CCDC148: variants seen among roughly 807,000 people sequenced by gnomAD.
CCDC148 encodes the protein coiled-coil domain containing 148.
A neutral mutation model predicts 85.7 loss-of-function variants in CCDC148; 89 were observed. The ratio of observed to expected loss-of-function variants is 1.04; its 90% CI spans 0.87 to 1.24. CCDC148 has a LOEUF of 1.24. Ranked by LOEUF, CCDC148 falls within the 50% of genes most tolerant of loss-of-function variation. The pLI is 0.00. For missense variants in CCDC148, 692 were observed against 671.7 expected, an observed-to-expected ratio of 1.03 and a Z score of -0.33; for synonymous variants, 230 against 213.9, an observed-to-expected ratio of 1.08 and a Z score of -0.66.
In CCDC148 at chr2:158,372,030, G is replaced by C. The variant is rs544985689; in HGVS notation, c.26-13460C>G. ...CCAGTCTGGGGAACACAGTCCGGGA[G>C]AAAGAAAAGAGTTAACCACAGCAAA... is the stretch of plus-strand genomic sequence containing the variant. On this transcript the variant is annotated intron_variant, in intron 1 of 13. Coordinates refer to ENST00000283233, the MANE Select transcript of CCDC148 (RefSeq NM_138803.4). Among the ~76,000 whole-genome samples, 16 of 152,050 alleles carry C rather than the reference G, an allele frequency of 1.1e-4. No individual in the cohort carries two copies. The South Asian group carries it at 3.3e-3, about 32-fold the overall frequency.
chr2:158,439,354 T>C (rs979784689), intron 1 of CCDC148, among the ~76,000 whole-genome samples: 5 of 152,134 alleles, frequency 3.3e-5, no homozygotes, highest in African/African-American at 1.2e-4. Context: ...GAAACCATCA[T>C]TCTCAGGAAA....
At chr2:158,215,000 T>C (rs1290412638) in intron 11 of CCDC148, among the ~76,000 whole-genome samples, 2 of 152,176 alleles carry the variant, frequency 1.3e-5, no homozygotes, top group Admixed American at 6.5e-5. Flanking sequence ...AAAAGAACAA[T>C]GAGTGAACAC....
At chr2:158,172,316 A>G in intron 13 of CCDC148, 57 bp from the exon 14 acceptor site, 1 of 1,332,774 alleles carries the variant, frequency 7.5e-7, no homozygotes, top group South Asian at 1.3e-5. Flanking sequence ...ATAACTTTTA[A>G]CATTTAGTTC....
rs561568351 is a variant in CCDC148 at position 158,260,086 on chromosome 2, CT to C, written c.1111-9175del. Among the ~76,000 whole-genome samples the C allele has an allele frequency of 4.0e-3, 603 of 152,042 alleles. 5 individuals are homozygous for C. Among genetic ancestry groups the C allele is most frequent in the African/African-American group, 0.014 (588 of 41,526 alleles). ...TTAATCAATTGATTTATTTTCTTGT[CT>C]GTTTTTCTCTTTAGACAGTAAGCTC... On this transcript the variant is annotated intron_variant, in intron 9 of 13. Transcript: ENST00000283233.
intron 1 of CCDC148, among the ~76,000 whole-genome samples, chr2:158,439,506 TA>T (rs1400648111): frequency 2.0e-5 from 3 of 151,896 alleles, no homozygotes; most frequent in Non-Finnish European, 4.4e-5. Context: ...GAGATAGCAT[TA>T]GGAGATATAC....
chr2:158,423,588 T>G (rs1332860044), intron 1 of CCDC148, among the ~76,000 whole-genome samples: 1 of 152,136 alleles, frequency 6.6e-6, no homozygotes, highest in African/African-American at 2.4e-5. Flanking sequence ...AAGACTTAAA[T>G]GTTAGACCTA....
chr2:158,317,470 A>G (rs1344029355), intron 7 of CCDC148, among the ~76,000 whole-genome samples: 3 of 152,182 alleles, frequency 2.0e-5, no homozygotes, highest in African/African-American at 7.2e-5. Flanking sequence ...TTTTATTATG[A>G]TTTCTCAGGA....
chr2:158,293,253 G>A (rs1441337780), intron 9 of CCDC148, among the ~76,000 whole-genome samples: 1 of 152,144 alleles, frequency 6.6e-6, no homozygotes, highest in East Asian at 1.9e-4. Flanking sequence ...CAATATCTAT[G>A]GCATTAGTGT....
At position 158,282,990 on chromosome 2, in the gene CCDC148, G is replaced by C. The variant is rs374157773; in HGVS notation, c.1110+26443C>G. Among the ~76,000 whole-genome samples the C allele has an allele frequency of 6.6e-5, 10 of 152,196 alleles. No individual in the cohort carries two copies. In the South Asian group the frequency reaches 1.7e-3, roughly 25 times the overall value. ...AATAACGCTGCATATCTACAACTATGTGATCTTTGACAAACCTGAGAAAAA... is the reference window on the plus strand; with the variant it reads ...AATAACGCTGCATATCTACAACTATCTGATCTTTGACAAACCTGAGAAAAA... On this transcript the variant is annotated intron_variant, in intron 9 of 13. Transcript: ENST00000283233.
chr2:158,397,709 A>G (rs926825563), intron 1 of CCDC148, among the ~76,000 whole-genome samples: 16 of 152,188 alleles, frequency 1.1e-4, no homozygotes, highest in African/African-American at 3.9e-4. Context: ...CACTATGAAG[A>G]AACTGCATCA....
At chr2:158,327,159 T>C (rs953760732) in intron 7 of CCDC148, among the ~76,000 whole-genome samples, 1 of 152,136 alleles carries the variant, frequency 6.6e-6, no homozygotes, top group South Asian at 2.1e-4. Flanking sequence ...ATATGATATA[T>C]TATTGAGATT....
intron 11 of CCDC148, among the ~76,000 whole-genome samples, chr2:158,197,528 C>T (rs1685738021): frequency 6.6e-6 from 1 of 152,226 alleles, no homozygotes; most frequent in South Asian, 2.1e-4. Context: ...ACACATGATA[C>T]CAAATCTAAC....
At chr2:158,218,701 C>A (rs1456329537) in intron 11 of CCDC148, among the ~76,000 whole-genome samples, 2 of 152,162 alleles carry the variant, frequency 1.3e-5, no homozygotes, top group South Asian at 2.1e-4. Flanking sequence ...TTGCCTTGCC[C>A]TTTAGTATTT....
chr2:158,401,470 T>C (rs1414050743), intron 1 of CCDC148, among the ~76,000 whole-genome samples: 1 of 152,078 alleles, frequency 6.6e-6, no homozygotes, highest in Non-Finnish European at 1.5e-5. Context: ...AAACACTGCA[T>C]ATTCTCACTC....
intron 1 of CCDC148, among the ~76,000 whole-genome samples, chr2:158,401,977 AC>A (rs1685805703): frequency 6.6e-6 from 1 of 152,060 alleles, no homozygotes. Context: ...GCATGAGTGC[AC>A]ACAATCTGAA....
intron 1 of CCDC148, among the ~76,000 whole-genome samples, chr2:158,361,181 G>C (rs946474712): frequency 1.3e-5 from 2 of 151,968 alleles, no homozygotes; most frequent in African/African-American, 4.8e-5. Flanking sequence ...TATGTGAAAA[G>C]ACCAAACCTA....
chr2:158,176,528 T>C lies in CCDC148; in HGVS notation c.1622A>G (p.Glu541Gly), dbSNP rs760832124. The change falls in exon 13 of 14, where the codon GAA (glutamate) becomes GGA (glycine). Residue 541 changes from glutamate to glycine, a missense_variant. Physicochemically the swap from Glu to Gly is moderately conservative, Grantham distance 98. Transcript: ENST00000283233. Reference protein sequence around the residue: ...KPLFTLNTYNEQQIISDPRLR... With the variant: ...KPLFTLNTYNGQQIISDPRLR... ...GCTAATTTCCATAATTACCTGCTGTTCATTGTATGTATTCAATGTGAAGAG... is the reference window on the plus strand; with the variant it reads ...GCTAATTTCCATAATTACCTGCTGTCCATTGTATGTATTCAATGTGAAGAG... 5.3e-5 allele frequency: 85 copies of C among 1,611,096 alleles called. 1 individual carries two copies. In the Admixed American group the frequency reaches 1.4e-3, roughly 26 times the overall value.
At chr2:158,385,249 A>G (rs1685038835) in intron 1 of CCDC148, among the ~76,000 whole-genome samples, 1 of 152,172 alleles carries the variant, frequency 6.6e-6, no homozygotes, top group African/African-American at 2.4e-5. Flanking sequence ...ACTATCAGGA[A>G]CCTTAATTAC....
chr2:158,332,094 C>T (rs1490109907), intron 7 of CCDC148, among the ~76,000 whole-genome samples: 1 of 152,122 alleles, frequency 6.6e-6, no homozygotes, highest in African/African-American at 2.4e-5. Flanking sequence ...GCAGTTTCTT[C>T]CTAGCCTTGA....
Sources: gnomAD v4.1 joint callset for allele counts (sites outside exome capture counted in the v4.1 genomes callset) on GRCh38, gnomAD v4.1.1 for gene constraint, MANE v1.5 for transcripts, NCBI Gene and HGNC (gene_info 2026-07-23, HGNC 2026-07-21) for gene names.